The following SCAPER variants were observed in gnomAD, a reference collection of about 807,000 sequenced individuals.
SCAPER encodes the protein S phase cyclin A-associated protein in the endoplasmic reticulum.
SCAPER carries 98 observed loss-of-function variants against 182.2 expected under a neutral mutation model. The ratio of observed to expected loss-of-function variants is 0.54; its 90% CI spans 0.46 to 0.64. SCAPER has a LOEUF of 0.64. Ranked by LOEUF, SCAPER falls within the 30% of genes least tolerant of loss-of-function variation. The pLI is 0.00. For synonymous variants in SCAPER, 605 were observed against 564.6 expected, an observed-to-expected ratio of 1.07 and a Z score of -1.01; for missense variants, 1,432 against 1,690.0, an observed-to-expected ratio of 0.85 and a Z score of 2.68.
At chr15:76,420,695 T>C (rs1179895462) in intron 26 of SCAPER, among the ~76,000 whole-genome samples, 2 of 152,186 alleles carry the variant, frequency 1.3e-5, no homozygotes, top group African/African-American at 4.8e-5. Flanking sequence ...TATGTATACA[T>C]GCGCCATGTT....
At chr15:76,852,482 C>T (rs942803720) in intron 4 of SCAPER, among the ~76,000 whole-genome samples, 1 of 152,086 alleles carries the variant, frequency 6.6e-6, no homozygotes, top group Admixed American at 6.6e-5. Flanking sequence ...TGAAATCATA[C>T]CAAACACACT....
chr15:76,478,299 A>AAT (rs2050822291), intron 24 of SCAPER, among the ~76,000 whole-genome samples: 1 of 152,078 alleles, frequency 6.6e-6, no homozygotes, highest in Non-Finnish European at 1.5e-5. Flanking sequence ...TCTCATTATA[A>AAT]ATATGACAAA....
intron 8 of SCAPER, among the ~76,000 whole-genome samples, chr15:76,794,034 CTG>C (rs907163768): frequency 2.2e-4 from 33 of 152,246 alleles, no homozygotes; most frequent in Non-Finnish European, 3.8e-4. Context: ...CAGAAGTCTT[CTG>C]TGTTAATTGC....
intron 21 of SCAPER, among the ~76,000 whole-genome samples, chr15:76,644,592 CAA>C (rs958123484): frequency 7.2e-6 from 1 of 139,124 alleles, no homozygotes. Context: ...ACCATAAAAA[CAA>C]AAAAAAAAAA....
Position 76,404,535 on chromosome 15 carries a change from A to T in SCAPER, c.3456T>A (p.Ala1152=). The T allele has an allele frequency of 6.2e-7, 1 of 1,603,670 alleles. No individual in the cohort carries two copies. The highest frequency in any genetic ancestry group is 8.5e-7 in the Non-Finnish European group (1 of 1,173,648). The stretch of plus-strand genomic sequence containing the variant: ...AGTAGATGCCTTACCTTCCAGTGAC[A>T]GCAAAGCACAGTGTACACATTGCAT... ...LLHAMCTLCF[A]VTGRSYSIFD... is the part of the protein sequence containing the mutation. The change falls in exon 27 of 32, where the codon GCT becomes GCA. Residue 1152 remains alanine, a synonymous_variant. Coordinates refer to ENST00000563290, the MANE Select transcript of SCAPER (RefSeq NM_020843.4).
intron 4 of SCAPER, among the ~76,000 whole-genome samples, chr15:76,852,899 A>G (rs975551636): frequency 3.9e-5 from 6 of 152,194 alleles, no homozygotes; most frequent in Non-Finnish European, 7.4e-5. Context: ...ATAATCCAGG[A>G]GTCGGTTCTT....
chr15:76,514,757 G>A (rs560193748), intron 23 of SCAPER, among the ~76,000 whole-genome samples: 113 of 152,264 alleles, frequency 7.4e-4, no homozygotes, highest in African/African-American at 2.6e-3. Context: ...AGATGAGAAC[G>A]TCCTGAAGTG....
At chr15:76,563,353 G>A (rs927847518) in intron 23 of SCAPER, among the ~76,000 whole-genome samples, 2 of 152,028 alleles carry the variant, frequency 1.3e-5, no homozygotes, top group African/African-American at 2.4e-5. Context: ...ACCACTGAAC[G>A]CACAGAAATA....
At chr15:76,560,737 C>G (rs1420351071) in intron 23 of SCAPER, among the ~76,000 whole-genome samples, 1 of 152,116 alleles carries the variant, frequency 6.6e-6, no homozygotes, top group Non-Finnish European at 1.5e-5. Context: ...TCCAAGTATC[C>G]ATTTACGACT....
At chr15:76,456,772 C>T (rs1486393173) in intron 25 of SCAPER, among the ~76,000 whole-genome samples, 1 of 152,080 alleles carries the variant, frequency 6.6e-6, no homozygotes, top group African/African-American at 2.4e-5. Context: ...TCAATTTTTG[C>T]TTCATGTATT....
chr15:76,815,950 G>A (rs2067043602), intron 5 of SCAPER, among the ~76,000 whole-genome samples: 1 of 152,150 alleles, frequency 6.6e-6, no homozygotes, highest in African/African-American at 2.4e-5. Flanking sequence ...AAGTATCTGT[G>A]CATCTAAACA....
intron 25 of SCAPER, among the ~76,000 whole-genome samples, chr15:76,452,644 C>T (rs961574741): frequency 2.6e-5 from 4 of 152,158 alleles, no homozygotes; most frequent in African/African-American, 7.2e-5. Context: ...ATTTCAGCTC[C>T]AAGAAATAAG....
At chr15:76,371,997 T>C (rs2042218042) in intron 29 of SCAPER, among the ~76,000 whole-genome samples, 1 of 152,234 alleles carries the variant, frequency 6.6e-6, no homozygotes, top group East Asian at 1.9e-4. Context: ...AGAATTACTA[T>C]CTTTTCTATC....
chr15:76,407,385 G>A (rs2044933008), intron 26 of SCAPER, among the ~76,000 whole-genome samples: 1 of 152,174 alleles, frequency 6.6e-6, no homozygotes, highest in Non-Finnish European at 1.5e-5. Flanking sequence ...GTGGTCTGTT[G>A]TTGACTAAAA....
intron 29 of SCAPER, among the ~76,000 whole-genome samples, 191 bp downstream of exon 29, chr15:76,375,971 C>T (rs572204874): frequency 5.9e-5 from 9 of 152,260 alleles, no homozygotes; most frequent in Non-Finnish European, 7.4e-5. Context: ...GGTGATAGAG[C>T]GAGCCTCTGT....
At chr15:76,443,540 A>G (rs573837362) in intron 25 of SCAPER, among the ~76,000 whole-genome samples, 1 of 152,360 alleles carries the variant, frequency 6.6e-6, no homozygotes, top group East Asian at 1.9e-4. Context: ...GATGTTGAAG[A>G]TGAAGCCTGC....
At chr15:76,750,123 A>G (rs2062006761) in intron 15 of SCAPER, among the ~76,000 whole-genome samples, 1 of 151,938 alleles carries the variant, frequency 6.6e-6, no homozygotes, top group Non-Finnish European at 1.5e-5. Flanking sequence ...AAGCAATTCA[A>G]TGTAAAAAGA....
intron 5 of SCAPER, among the ~76,000 whole-genome samples, chr15:76,827,329 C>T (rs934105426): frequency 6.6e-6 from 1 of 152,138 alleles, no homozygotes; most frequent in African/African-American, 2.4e-5. Context: ...CACTTGGAAT[C>T]CCATAGCCTG....
chr15:76,454,381 A>G (rs1225090259), intron 25 of SCAPER, among the ~76,000 whole-genome samples: 2 of 152,178 alleles, frequency 1.3e-5, no homozygotes, highest in Non-Finnish European at 2.9e-5. Context: ...TTAATTTTTT[A>G]AGTAAAATTT....
Sources: gnomAD v4.1 joint callset for allele counts (sites outside exome capture counted in the v4.1 genomes callset) on GRCh38, gnomAD v4.1.1 for gene constraint, MANE v1.5 for transcripts, NCBI Gene and HGNC (gene_info 2026-07-23, HGNC 2026-07-21) for gene names.